SLC44A5: variants seen among roughly 807,000 people sequenced by gnomAD.
SLC44A5 encodes choline transporter-like protein 5.
In SLC44A5, 57 loss-of-function variants were observed where a neutral mutation model predicts 101.8. That is an observed-to-expected ratio of 0.56 (90% confidence interval 0.45 to 0.70). The LOEUF (loss-of-function observed/expected upper bound fraction) is 0.70, where lower values mean the gene tolerates loss of function less well. SLC44A5 is among the 30% of genes least tolerant of loss of function. The probability of loss-of-function intolerance (pLI) is 0.00; values close to 1 mark genes in which losing one functional copy is unlikely to be tolerated. For missense variants in SLC44A5, 737 were observed against 853.1 expected, an observed-to-expected ratio of 0.86 and a Z score of 1.70; for synonymous variants, 281 against 290.9, an observed-to-expected ratio of 0.97 and a Z score of 0.35.
intron 2 of SLC44A5, among the ~76,000 whole-genome samples, chr1:75,425,754 C>T (rs1664274306): frequency 6.6e-6 from 1 of 152,074 alleles, no homozygotes; most frequent in African/African-American, 2.4e-5. Flanking sequence ...ATGCTATGGG[C>T]CCTTCTTAGC....
intron 5 of SLC44A5, among the ~76,000 whole-genome samples, chr1:75,283,573 A>C (rs1652795476): frequency 6.6e-6 from 1 of 152,020 alleles, no homozygotes; most frequent in Non-Finnish European, 1.5e-5. Flanking sequence ...TTTTTGTCTA[A>C]GCCAATGTCC....
chr1:75,701,429 A>T, the SLC44A5 span, among the ~76,000 whole-genome samples: 1 of 152,242 alleles, frequency 6.6e-6, no homozygotes, highest in South Asian at 2.1e-4. Context: ...CAATAGATGC[A>T]GAAAAGGCCT....
At chr1:75,711,158 C>T in the SLC44A5 span, among the ~76,000 whole-genome samples, 1 of 152,158 alleles carries the variant, frequency 6.6e-6, no homozygotes, top group Non-Finnish European at 1.5e-5. Context: ...TCCTGACTGG[C>T]TCATGAATTG....
At chr1:75,596,010 C>T (rs1269929681) in intron 1 of SLC44A5, among the ~76,000 whole-genome samples, 1 of 152,138 alleles carries the variant, frequency 6.6e-6, no homozygotes, top group African/African-American at 2.4e-5. Context: ...TTTCTAACAT[C>T]ATTCAAAAAG....
intron 4 of SLC44A5, among the ~76,000 whole-genome samples, chr1:75,303,958 T>TA (rs1019701958): frequency 1.7e-4 from 26 of 152,086 alleles, no homozygotes; most frequent in Admixed American, 9.2e-4. Context: ...GTATAATAAT[T>TA]AAAAAAATAT....
At chr1:75,306,095 A>C (rs1654876041) in intron 4 of SLC44A5, among the ~76,000 whole-genome samples, 1 of 152,228 alleles carries the variant, frequency 6.6e-6, no homozygotes, top group African/African-American at 2.4e-5. Context: ...TGTAAAATTC[A>C]AACTTGCATT....
intron 12 of SLC44A5, among the ~76,000 whole-genome samples, chr1:75,229,266 G>T (rs191800388): frequency 6.6e-6 from 1 of 152,060 alleles, no homozygotes; most frequent in East Asian, 1.9e-4. Flanking sequence ...TCAACACAGG[G>T]ACTAGGGCAA....
At chr1:75,293,774 T>C (rs991215199) in intron 5 of SLC44A5, among the ~76,000 whole-genome samples, 8 of 152,300 alleles carry the variant, frequency 5.3e-5, no homozygotes, top group African/African-American at 1.9e-4. Context: ...ATCCCTCTCA[T>C]GATAACAATA....
chr1:75,475,704 G>A (rs891539411), intron 2 of SLC44A5, among the ~76,000 whole-genome samples: 3 of 152,144 alleles, frequency 2.0e-5, no homozygotes, highest in Non-Finnish European at 4.4e-5. Context: ...TTAGGAATTA[G>A]GGCTCAGAAT....
chr1:75,490,689 G>A (rs976054573), intron 2 of SLC44A5, among the ~76,000 whole-genome samples: 2 of 152,072 alleles, frequency 1.3e-5, no homozygotes, highest in African/African-American at 4.8e-5. Context: ...TTAGAGTTTT[G>A]TTCTCTCCAA....
intron 3 of SLC44A5, among the ~76,000 whole-genome samples, chr1:75,386,333 CT>C (rs1383971853): frequency 6.6e-6 from 1 of 152,138 alleles, no homozygotes; most frequent in African/African-American, 2.4e-5. Flanking sequence ...CGAAAATCTC[CT>C]TAAGCTGATA....
the SLC44A5 span, chr1:75,642,105 G>C: frequency 8.7e-7 from 1 of 1,150,412 alleles, no homozygotes; most frequent in Non-Finnish European, 1.2e-6. Flanking sequence ...TTTATTTGAT[G>C]TAGATATAAT....
intron 1 of SLC44A5, among the ~76,000 whole-genome samples, chr1:75,603,023 AT>A (rs1159794557): frequency 6.6e-6 from 1 of 152,002 alleles, no homozygotes; most frequent in African/African-American, 2.4e-5. Flanking sequence ...ACATATACAC[AT>A]TGTTACCTGG....
At chr1:75,452,341 A>G (rs952945814) in intron 2 of SLC44A5, among the ~76,000 whole-genome samples, 1 of 152,152 alleles carries the variant, frequency 6.6e-6, no homozygotes, top group Non-Finnish European at 1.5e-5. Flanking sequence ...TTTCCAGACA[A>G]GCAAGCACTA....
At chr1:75,377,385 G>A (rs1490923145) in intron 3 of SLC44A5, among the ~76,000 whole-genome samples, 1 of 40,382 alleles carries the variant, frequency 2.5e-5, no homozygotes, top group Non-Finnish European at 4.9e-5. Context: ...ACTGCGGAAG[G>A]CCGCAGGGAC....
intron 2 of SLC44A5, among the ~76,000 whole-genome samples, chr1:75,465,292 A>T (rs1570359879): frequency 6.6e-6 from 1 of 152,180 alleles, no homozygotes; most frequent in Admixed American, 6.5e-5. Flanking sequence ...ATATGGGTCA[A>T]TGAAGACATT....
intron 2 of SLC44A5, among the ~76,000 whole-genome samples, chr1:75,480,438 G>A (rs745490390): frequency 1.9e-4 from 29 of 152,096 alleles, no homozygotes; most frequent in East Asian, 5.8e-4. Context: ...AAGGGTATTC[G>A]ATTAGGAAAA....
At chr1:75,273,812 C>T (rs538954470) in intron 6 of SLC44A5, among the ~76,000 whole-genome samples, 1 of 152,060 alleles carries the variant, frequency 6.6e-6, no homozygotes, top group African/African-American at 2.4e-5. Flanking sequence ...CATCTATGTT[C>T]ATTAAGGATA....
chr1:75,603,220 G>A (rs1393002709), intron 1 of SLC44A5, among the ~76,000 whole-genome samples: 2 of 152,134 alleles, frequency 1.3e-5, no homozygotes, highest in East Asian at 3.9e-4. Flanking sequence ...ACTTATAAGC[G>A]AGAACATGTG....
Sources: allele counts gnomAD v4.1 joint callset (sites outside exome capture counted in the v4.1 genomes callset), GRCh38; gene constraint gnomAD v4.1.1; transcripts MANE v1.5; gene names NCBI Gene and HGNC (gene_info 2026-07-23, HGNC 2026-07-21).